Variants in VASP observed in about 807,000 individuals in gnomAD.
The protein encoded by VASP is vasodilator-stimulated phosphoprotein.
In VASP, 27 loss-of-function variants were observed where a neutral mutation model predicts 54.4. The observed-to-expected ratio is 0.50, with a 90% CI of 0.37 to 0.68. VASP has a LOEUF of 0.68. Ranked by LOEUF, VASP falls within the 30% of genes least tolerant of loss-of-function variation. The probability of loss-of-function intolerance (pLI) is 0.00; values close to 1 mark genes in which losing one functional copy is unlikely to be tolerated. For synonymous variants in VASP, 233 were observed against 209.8 expected (o/e 1.11, Z -0.96); for missense variants, 488 against 528.3 (o/e 0.92, Z 0.75).
intron 1 of VASP, among the ~76,000 whole-genome samples, chr19:45,508,567 G>C (rs12609845): frequency 7.1e-6 from 1 of 141,622 alleles, no homozygotes; most frequent in South Asian, 2.1e-4. Context: ...GCAGCTGGGG[G>C]AAGGGGGCCT....
intron 3 of VASP, among the ~76,000 whole-genome samples, chr19:45,519,167 A>G (rs1330375244): frequency 6.6e-6 from 1 of 152,182 alleles, no homozygotes; most frequent in Non-Finnish European, 1.5e-5. Context: ...GGCGTGAGCC[A>G]CCACACCCGG....
chr19:45,522,135 G>A (rs368678744), intron 4 of VASP, 33 bp from the exon 5 acceptor site: 1 of 1,612,656 alleles, frequency 6.2e-7, no homozygotes, highest in African/African-American at 1.3e-5. Context: ...TTAGGGCCCT[G>A]ATTGACGGCA....
At chr19:45,509,376 C>T (rs938404067) in intron 1 of VASP, among the ~76,000 whole-genome samples, 2 of 148,248 alleles carry the variant, frequency 1.3e-5, no homozygotes, top group African/African-American at 5.0e-5. Context: ...CCTTGCCCCC[C>T]AGCCCCGCCC....
intron 1 of VASP, among the ~76,000 whole-genome samples, chr19:45,509,419 T>G (rs1969630642): frequency 6.6e-6 from 1 of 150,864 alleles, no homozygotes; most frequent in East Asian, 1.9e-4. Context: ...GGTCCCAGGC[T>G]CGGTGGAAGG....
intron 3 of VASP, among the ~76,000 whole-genome samples, chr19:45,519,830 C>CAG: frequency 7.0e-6 from 1 of 143,124 alleles, no homozygotes; most frequent in South Asian, 2.3e-4. Context: ...CTCCTGACCT[C>CAG]GTGATCCGCC....
At chr19:45,521,537 C>CAG in intron 4 of VASP, 131 bp downstream of exon 4, 1 of 781,238 alleles carries the variant, frequency 1.3e-6, no homozygotes, top group Non-Finnish European at 2.0e-6. Flanking sequence ...TTCTGACACT[C>CAG]AGAGTTGCAG....
intron 12 of VASP, 30 bp from the exon 13 acceptor site, chr19:45,526,110 C>A (rs1308616167): frequency 6.2e-7 from 1 of 1,613,738 alleles, no homozygotes; most frequent in Non-Finnish European, 8.5e-7. Flanking sequence ...GAGACTCTGC[C>A]CCTGACCTCT....
In VASP at chr19:45,522,522, G is replaced by A; in HGVS notation, c.661G>A (p.Ala221Thr). 2 of 1,456,222 alleles carry A rather than the reference G, an allele frequency of 1.4e-6. No homozygotes were observed. Among genetic ancestry groups the A allele is most frequent in the African/African-American group, 2.9e-5 (2 of 70,074 alleles). 90.2% of individuals were successfully genotyped at this position (1,456,222 alleles called of 1,614,324 possible). The change falls in exon 6 of 13, where the codon GCT becomes ACT. Residue 221 changes from alanine (A) to threonine (T), a missense_variant. Around this residue, in one of 4 missense-constraint regions of VASP, gnomAD observed 226 missense variants for 196.0 expected, o/e 1.15. Transcript: ENST00000245932. Reference sequence around the variant, plus strand: ...AGCACAGGGCCCTGGTGGTGGGGGAGCTGGGGCCCCAGGCCTGGCCGCAGC... The same window carrying A: ...AGCACAGGGCCCTGGTGGTGGGGGAACTGGGGCCCCAGGCCTGGCCGCAGC... ...PAAQGPGGGGAGAPGLAAAIA... is the reference protein window; with the variant it reads ...PAAQGPGGGGTGAPGLAAAIA...
chr19:45,517,853 C>T lies in VASP; in HGVS notation c.177+19C>T. On this transcript the variant is annotated intron_variant, in intron 2 of 12. Transcript: ENST00000245932. ...CCAGCAGGTGCAGCTTCCCGCCGGC[C>T]CCCTCTGTGGGCTGAACCCCTACCC... is the stretch of plus-strand genomic sequence containing the variant. 6.2e-7 allele frequency: 1 copy of T among 1,611,420 alleles called. No individual in the cohort carries two copies. The highest frequency in any genetic ancestry group is 8.5e-7 in the Non-Finnish European group (1 of 1,179,226).
chr19:45,520,954 ACT>A (rs751712259), intron 3 of VASP, among the ~76,000 whole-genome samples: 1 of 151,912 alleles, frequency 6.6e-6, no homozygotes, highest in East Asian at 1.9e-4. Context: ...ACAGAGTGAG[ACT>A]CTGTCTCGAA....
chr19:45,513,679 G>C (rs1157090772), intron 1 of VASP, among the ~76,000 whole-genome samples: 1 of 151,554 alleles, frequency 6.6e-6, no homozygotes, highest in African/African-American at 2.4e-5. Context: ...TGTTGGCCAG[G>C]CTGGTGTCGA....
rs1304085088 is a variant in VASP, at chr19:45,526,793, T to C, written c.*616T>C. On this transcript the variant is annotated 3_prime_UTR_variant, in exon 13 of 13. Transcript: ENST00000245932. ...TTTTCTATGAGGAAATAAGATGCTGTAACTTTTTGGAACCTCAGTTTTTTG... is the reference window on the plus strand; with the variant it reads ...TTTTCTATGAGGAAATAAGATGCTGCAACTTTTTGGAACCTCAGTTTTTTG... The C allele has an allele frequency of 2.0e-5, 3 of 152,332 alleles. No individual in the cohort carries two copies. Among genetic ancestry groups the C allele is most frequent in the African/African-American group, 7.2e-5 (3 of 41,416 alleles). 9.4% of individuals were successfully genotyped at this position (152,332 alleles called of 1,614,324 possible).
intron 3 of VASP, among the ~76,000 whole-genome samples, chr19:45,518,403 A>C (rs1308021231): frequency 1.3e-5 from 2 of 152,022 alleles, no homozygotes; most frequent in African/African-American, 4.8e-5. Flanking sequence ...TCTCTATTAA[A>C]ATTCAAAAAT....
chr19:45,522,832 T>A lies in VASP; in HGVS notation c.821+14T>A. 1 of 1,600,630 alleles carries A rather than the reference T, an allele frequency of 6.2e-7. No homozygotes were observed. The highest frequency in any genetic ancestry group is 8.5e-7 in the Non-Finnish European group (1 of 1,175,232). ...GCTGGCCCGGAGGTGAGCCTGAGCCTGGACCCCCAAGTCACCTGGAGTTCC... is the reference window on the plus strand; with the variant it reads ...GCTGGCCCGGAGGTGAGCCTGAGCCAGGACCCCCAAGTCACCTGGAGTTCC... On this transcript the variant is annotated intron_variant, in intron 7 of 12. Transcript: ENST00000245932.
Position 45,523,592 on chromosome 19 carries a change from AGG to A in VASP, c.822-49_822-48del. On this transcript the variant is annotated intron_variant, in intron 7 of 12. Coordinates refer to ENST00000245932, the MANE Select transcript of VASP (RefSeq NM_003370.4). ...CTACATTTCTAGAACTCCCCTCAGA[AGG>A]GGATGGGTTGGGTGACGGAAGCACG... 10 of 1,605,678 alleles carry A rather than the reference AGG, an allele frequency of 6.2e-6. No homozygotes were observed. In the South Asian group the frequency reaches 1.0e-4, roughly 16 times the overall value.
intron 3 of VASP, among the ~76,000 whole-genome samples, chr19:45,519,596 C>CTTTTTT (rs35957572): frequency 8.1e-6 from 1 of 123,282 alleles, no homozygotes; most frequent in African/African-American, 3.1e-5. Flanking sequence ...AGCCCAGTTG[C>CTTTTTT]TTTTTTTTTT....
intron 11 of VASP, chr19:45,524,952 G>A (rs1179565766): frequency 3.0e-6 from 1 of 335,278 alleles, no homozygotes; most frequent in Non-Finnish European, 5.8e-6. Context: ...AGGCTGGAAT[G>A]CGCTTGCCAA....
rs1316688928 is a variant in VASP at position 45,517,673 on chromosome 19, A to C, written c.16A>C (p.Ile6Leu). Reference protein sequence around the residue: MSETVICSSRATVMLY... With the variant: MSETVLCSSRATVMLY... ...TCCTCCCGCCTGCAGCGAGACGGTCATCTGTTCCAGCCGGGCCACTGTGAT... is the reference window on the plus strand; with the variant it reads ...TCCTCCCGCCTGCAGCGAGACGGTCCTCTGTTCCAGCCGGGCCACTGTGAT... The change falls in exon 2 of 13, where the codon ATC (isoleucine) becomes CTC (leucine). Residue 6 changes from isoleucine to leucine, a missense_variant. By Grantham distance (5) the Ile-to-Leu change is conservative. Transcript: ENST00000245932. 6.2e-7 allele frequency: 1 copy of C among 1,609,006 alleles called. No homozygotes were observed. The highest frequency in any genetic ancestry group is 8.5e-7 in the Non-Finnish European group (1 of 1,179,900).
At chr19:45,512,524 G>C (rs772210468) in intron 1 of VASP, among the ~76,000 whole-genome samples, 21 of 152,126 alleles carry the variant, frequency 1.4e-4, no homozygotes, top group Non-Finnish European at 2.8e-4. Flanking sequence ...CTGACATCAA[G>C]AGGTCCGCCT....
Sources: allele counts gnomAD v4.1 joint callset (sites outside exome capture counted in the v4.1 genomes callset), GRCh38; gene constraint gnomAD v4.1.1; regional missense constraint gnomAD v4.1.1; transcripts MANE v1.5; gene names NCBI Gene and HGNC (gene_info 2026-07-23, HGNC 2026-07-21).